Variants in VPS39 observed in about 807,000 individuals in gnomAD.
VPS39 encodes VPS39 subunit of HOPS complex, also known as vam6/Vps39-like protein.
A neutral mutation model predicts 121.0 loss-of-function variants in VPS39; 70 were observed. The ratio of observed to expected loss-of-function variants is 0.58; its 90% CI spans 0.48 to 0.71. VPS39 has a LOEUF of 0.71. Ranked by LOEUF, VPS39 falls within the 30% of genes least tolerant of loss-of-function variation. VPS39 has a pLI of 0.00. For missense variants in VPS39, 818 were observed against 1,051.5 expected, an observed-to-expected ratio of 0.78 and a Z score of 3.07; for synonymous variants, 378 against 398.1, an observed-to-expected ratio of 0.95 and a Z score of 0.60.
intron 5 of VPS39, 134 bp downstream of exon 5, chr15:42,188,980 T>A: frequency 1.5e-6 from 1 of 649,914 alleles, no homozygotes; most frequent in Non-Finnish European, 2.6e-6. Context: ...AAAAAATAAA[T>A]AAATAAATAA....
chr15:42,207,510 G>T (rs2050199015), intron 1 of VPS39, among the ~76,000 whole-genome samples: 1 of 152,150 alleles, frequency 6.6e-6, no homozygotes, highest in South Asian at 2.1e-4. Context: ...CTACAGTTAG[G>T]TAACTTGGAC....
chr15:42,161,460 C>A, intron 24 of VPS39: 2 of 653,678 alleles, frequency 3.1e-6, no homozygotes, highest in East Asian at 2.9e-5. Context: ...GACAAGAATC[C>A]AACAGCTCCA....
chr15:42,173,749 A>G lies in VPS39; in HGVS notation c.1064T>C (p.Met355Thr). The G allele has an allele frequency of 6.2e-7, 1 of 1,614,132 alleles. No homozygotes were observed. Among genetic ancestry groups the G allele is most frequent in the African/African-American group, 1.3e-5 (1 of 75,052 alleles). ...LFCQKRFDESMQVFAKLGTDP... is the reference protein window; with the variant it reads ...LFCQKRFDESTQVFAKLGTDP... ...TGTGCCAAGTTTAGCAAAGACCTGC[A>G]TGGACTCATCAAAACGCTTCTGGCA... The change falls in exon 11 of 25, where the codon ATG becomes ACG. Residue 355 changes from methionine to threonine, a missense_variant. Physicochemically the swap from Met to Thr is moderately conservative, Grantham distance 81 (BLOSUM62 -1). Transcript: ENST00000318006.
intron 15 of VPS39, 107 bp downstream of exon 15, chr15:42,166,456 A>C (rs2049244063): frequency 7.6e-7 from 1 of 1,310,962 alleles, no homozygotes; most frequent in Non-Finnish European, 1.1e-6. Flanking sequence ...AATTGAGTGA[A>C]CACGAGCACG....
At chr15:42,176,737 C>A (rs1043468057) in intron 10 of VPS39, among the ~76,000 whole-genome samples, 1 of 152,072 alleles carries the variant, frequency 6.6e-6, no homozygotes, top group Non-Finnish European at 1.5e-5. Flanking sequence ...ATGTTCTTCA[C>A]GAGTAGCCAC....
chr15:42,192,914 G>A (rs1250779738), intron 2 of VPS39, among the ~76,000 whole-genome samples: 2 of 152,016 alleles, frequency 1.3e-5, no homozygotes, highest in African/African-American at 4.8e-5. Flanking sequence ...GGAGTAGCTG[G>A]GATTACAGGC....
chr15:42,191,918 C>T, intron 2 of VPS39: 1 of 906,360 alleles, frequency 1.1e-6, no homozygotes, highest in Non-Finnish European at 1.7e-6. Flanking sequence ...ATATAAGAGC[C>T]CAAGCCATGA....
At chr15:42,163,873 A>G in intron 19 of VPS39, 145 bp from the exon 20 acceptor site, 1 of 636,126 alleles carries the variant, frequency 1.6e-6, no homozygotes, top group East Asian at 2.8e-5. Context: ...CAAGGAGAAA[A>G]TAACTGAAGT....
At chr15:42,162,001 C>T (rs766663093) in intron 23 of VPS39, 31 bp downstream of exon 23, 2 of 1,613,008 alleles carry the variant, frequency 1.2e-6, no homozygotes, top group Admixed American at 3.3e-5. Context: ...AGTTAAAAGC[C>T]CACCCTAGAG....
In VPS39 at chr15:42,189,107, A is replaced by G; in HGVS notation, c.342+7T>C. Reference sequence around the variant, plus strand: ...ATAAAGCCAAATTTCATCTTGGGTAAACTTACCTGGAGGTCACAAGTAAAC... The same window carrying G: ...ATAAAGCCAAATTTCATCTTGGGTAGACTTACCTGGAGGTCACAAGTAAAC... On this transcript the variant is annotated splice_region_variant and intron_variant, in intron 5 of 24. Coordinates refer to ENST00000318006, the MANE Select transcript of VPS39 (RefSeq NM_015289.5). The G allele has an allele frequency of 6.2e-7, 1 of 1,611,758 alleles. No individual in the cohort carries two copies. The highest frequency in any genetic ancestry group is 1.3e-5 in the African/African-American group (1 of 75,000).
At chr15:42,187,236 A>G in intron 7 of VPS39, 35 bp downstream of exon 7, 1 of 1,535,628 alleles carries the variant, frequency 6.5e-7, no homozygotes, top group Non-Finnish European at 8.9e-7. Flanking sequence ...TCCCCAAGAT[A>G]AACTAATGAT....
intron 3 of VPS39, 132 bp from the exon 4 acceptor site, chr15:42,191,299 C>A: frequency 8.3e-7 from 1 of 1,208,406 alleles, no homozygotes; most frequent in South Asian, 1.4e-5. Context: ...TTTTTCTGGG[C>A]ACTATAATTT....
intron 4 of VPS39, 38 bp from the exon 5 acceptor site, chr15:42,189,246 A>AT: frequency 6.5e-7 from 1 of 1,541,192 alleles, no homozygotes; most frequent in Non-Finnish European, 9.0e-7. Context: ...ATCAATGATC[A>AT]TAATTCTCTA....
At chr15:42,169,898 A>C (rs895924850) in intron 11 of VPS39, 32 bp from the exon 12 acceptor site, 1 of 1,588,270 alleles carries the variant, frequency 6.3e-7, no homozygotes, top group African/African-American at 1.3e-5. Flanking sequence ...TTCCTCTGGA[A>C]AGGAGCCCAA....
intron 7 of VPS39, among the ~76,000 whole-genome samples, chr15:42,186,638 C>T (rs1009155183): frequency 2.6e-5 from 4 of 152,122 alleles, no homozygotes; most frequent in Non-Finnish European, 4.4e-5. Flanking sequence ...TTACAACTTA[C>T]GTTAAGAGAA....
At chr15:42,179,556 A>G (rs1566899603) in intron 8 of VPS39, among the ~76,000 whole-genome samples, 1 of 149,360 alleles carries the variant, frequency 6.7e-6, no homozygotes, top group African/African-American at 2.5e-5. Flanking sequence ...AGCCTGGGCG[A>G]CAGAGCAAGA....
At chr15:42,175,359 G>C (rs757830429) in intron 10 of VPS39, among the ~76,000 whole-genome samples, 12 of 150,352 alleles carry the variant, frequency 8.0e-5, no homozygotes, top group Non-Finnish European at 1.5e-4. Flanking sequence ...AGCGAGCTGA[G>C]ATTGCACCAC....
rs1236835078 is a variant in VPS39 at position 42,200,054 on chromosome 15, G to A, written c.74-93C>T. The A allele has an allele frequency of 4.0e-6, 5 of 1,234,752 alleles. No homozygotes were observed. In the African/African-American group the frequency reaches 6.3e-5, roughly 16 times the overall value. 76.5% of individuals were successfully genotyped at this position (1,234,752 alleles called of 1,614,324 possible). ...TGAGTATAACCCTATTTTTTTAGCT[G>A]GGGCTTGTAATCAGAAATCAATGTG... On this transcript the variant is annotated intron_variant, in intron 1 of 24. Transcript: ENST00000318006.
At chr15:42,184,024 C>T (rs1482185111) in intron 8 of VPS39, among the ~76,000 whole-genome samples, 7 of 136,740 alleles carry the variant, frequency 5.1e-5, no homozygotes, top group Non-Finnish European at 9.3e-5. Flanking sequence ...ACACCAAAAT[C>T]ACCTAAATGT....
Sources: gnomAD v4.1 joint callset for allele counts (sites outside exome capture counted in the v4.1 genomes callset) on GRCh38, gnomAD v4.1.1 for gene constraint, MANE v1.5 for transcripts, NCBI Gene and HGNC (gene_info 2026-07-23, HGNC 2026-07-21) for gene names.